Variants in NDUFA10 observed in about 807,000 individuals in gnomAD.
NDUFA10 encodes the protein NADH:ubiquinone oxidoreductase subunit A10, also known as NADH dehydrogenase [ubiquinone] 1 alpha subcomplex subunit 10, mitochondrial.
In NDUFA10, 40 loss-of-function variants were observed where a neutral mutation model predicts 47.8. The observed-to-expected ratio is 0.84, with a 90% CI of 0.65 to 1.09. The LOEUF (loss-of-function observed/expected upper bound fraction) is 1.09. NDUFA10 is among the 50% of genes least tolerant of loss of function. NDUFA10 has a pLI of 0.00. For missense variants in NDUFA10, 413 were observed against 451.1 expected (o/e 0.92, Z 0.76); for synonymous variants, 183 against 172.2 (o/e 1.06, Z -0.49).
At chr2:239,908,586 T>C (rs1042120204) in intron 4 of NDUFA10, among the ~76,000 whole-genome samples, 4 of 152,164 alleles carry the variant, frequency 2.6e-5, no homozygotes, top group African/African-American at 7.2e-5. Context: ...CACAAAGAAA[T>C]AGCAGGCAGG....
chr2:239,919,188 G>A (rs950753429), intron 4 of NDUFA10, among the ~76,000 whole-genome samples: 5 of 152,162 alleles, frequency 3.3e-5, no homozygotes, highest in South Asian at 4.1e-4. Context: ...GTGGACCTTC[G>A]GTGGCACAGA....
chr2:239,980,590 G>C (rs1033437786), intron 9 of NDUFA10, among the ~76,000 whole-genome samples: 10 of 152,136 alleles, frequency 6.6e-5, no homozygotes, highest in Non-Finnish European at 4.4e-5. Context: ...ACCAAAACAG[G>C]GTTTCCAGTT....
At chr2:240,023,902 A>G (rs941387038) in intron 1 of NDUFA10, among the ~76,000 whole-genome samples, 5 of 152,374 alleles carry the variant, frequency 3.3e-5, no homozygotes, top group East Asian at 1.9e-4. Flanking sequence ...TGAACACTGT[A>G]TATCATGAGA....
At chr2:239,989,987 A>G (rs1234874991) in intron 9 of NDUFA10, 87 bp downstream of exon 9, 1 of 979,552 alleles carries the variant, frequency 1.0e-6, no homozygotes, top group Non-Finnish European at 1.6e-6. Context: ...GCAACAACAA[A>G]AACTCCTTTC....
At chr2:239,935,063 AG>A (rs1694241346) in intron 4 of NDUFA10, among the ~76,000 whole-genome samples, 5 of 152,004 alleles carry the variant, frequency 3.3e-5, no homozygotes, top group Non-Finnish European at 7.4e-5. Context: ...TTCCTGGGAG[AG>A]TCCTTCTCTC....
chr2:240,014,663 C>T (rs939571943), intron 5 of NDUFA10, 76 bp downstream of exon 5: 1 of 1,596,886 alleles, frequency 6.3e-7, no homozygotes, highest in African/African-American at 1.3e-5. Context: ...AGTATAAATG[C>T]TATTAAAACA....
intron 6 of NDUFA10, among the ~76,000 whole-genome samples, chr2:240,009,952 T>C (rs1321169487): frequency 2.6e-5 from 4 of 152,204 alleles, no homozygotes; most frequent in Admixed American, 6.5e-5. Context: ...AAAATGCTAA[T>C]GGCCAATAAA....
Position 239,920,980 on chromosome 2 carries a change from T to C in NDUFA10, c.295-25666A>G, listed in dbSNP as rs181389639. On this transcript the variant is annotated intron_variant, in intron 4 of 5. Transcript: ENST00000419408. ...CTGGGGAAGGCTGAATGCCTAGAGA[T>C]GATTGTCCAGGAAGTAGCATCTTCC... Among the ~76,000 whole-genome samples, 19 of 152,248 alleles carry C rather than the reference T, an allele frequency of 1.2e-4. No homozygotes were observed. The East Asian group carries it at 3.5e-3, about 28-fold the overall frequency.
At chr2:239,967,773 T>C (rs1224660977) in intron 9 of NDUFA10, among the ~76,000 whole-genome samples, 1 of 152,178 alleles carries the variant, frequency 6.6e-6, no homozygotes, top group Non-Finnish European at 1.5e-5. Flanking sequence ...GTTTGTGTGA[T>C]TCAACGTAAG....
chr2:239,896,243 T>A (rs950658953), intron 4 of NDUFA10, among the ~76,000 whole-genome samples: 2 of 152,150 alleles, frequency 1.3e-5, no homozygotes, highest in African/African-American at 2.4e-5. Flanking sequence ...ATCATGCAAA[T>A]CTCCTGTGCT....
chr2:239,956,941 T>C (rs1694670300), downstream of NDUFA10, among the ~76,000 whole-genome samples: 1 of 152,132 alleles, frequency 6.6e-6, no homozygotes, highest in Non-Finnish European at 1.5e-5. Context: ...GGTCCTCCTC[T>C]CCCTGACGCG....
rs563264912 is a variant in NDUFA10, at chr2:239,960,673, G to A, written c.*445C>T. 9.0e-7 allele frequency: 1 copy of A among 1,116,794 alleles called. No homozygotes were observed. The highest frequency in any genetic ancestry group is 6.2e-5 in the East Asian group (1 of 16,190). 69.2% of individuals were successfully genotyped at this position (1,116,794 alleles called of 1,614,324 possible). A position where few individuals can be genotyped will look rare whatever the true frequency, so the allele number is the denominator to read the frequency against. ...ACCACACCACACCAAACAGGGCCCA[G>A]AGCAGCGTGTGTGCACGTGTGCAGT... On this transcript the variant is annotated 3_prime_UTR_variant, in exon 10 of 10. Transcript: ENST00000252711.
rs1022298452 is a variant in NDUFA10 at position 240,025,229 on chromosome 2, C to T, written c.73G>A (p.Val25Met). The change falls in exon 1 of 10, where the codon GTG (valine) becomes ATG (methionine). Residue 25 changes from valine to methionine, a missense_variant and splice_region_variant. Val to Met is a conservative substitution (Grantham distance 21). Coordinates refer to ENST00000252711, the MANE Select transcript of NDUFA10 (RefSeq NM_004544.4). ...ARVVAAGAQR[V>M]RGIHSSVQCK... ...CTGCCACCCCGCCGCCCGCTCACCACGCGCTGGGCGCCCGCCGCCACGACC... is the reference window on the plus strand; with the variant it reads ...CTGCCACCCCGCCGCCCGCTCACCATGCGCTGGGCGCCCGCCGCCACGACC... 4.0e-6 allele frequency: 6 copies of T among 1,492,456 alleles called. No homozygotes were observed. The African/African-American group carries it at 4.4e-5, about 11-fold the overall frequency. 92.5% of individuals were successfully genotyped at this position (1,492,456 alleles called of 1,614,324 possible).
intron 4 of NDUFA10, among the ~76,000 whole-genome samples, chr2:239,940,062 C>T (rs777059770): frequency 2.4e-4 from 37 of 152,220 alleles, no homozygotes; most frequent in South Asian, 2.1e-4. Flanking sequence ...GGAACCCAGG[C>T]GGCTGAAAGC....
rs374970309 is a variant in NDUFA10 at position 240,025,339 on chromosome 2, A to C, written c.-38T>G. The C allele has an allele frequency of 3.1e-4, 462 of 1,470,392 alleles. 5 individuals are homozygous for C. The African/African-American group carries it at 5.8e-3, about 18-fold the overall frequency. 91.1% of individuals were successfully genotyped at this position (1,470,392 alleles called of 1,614,324 possible). A position where few individuals can be genotyped will look rare whatever the true frequency, so the allele number is the denominator to read the frequency against. ...AGCTCAGGATCAAGGACCCAAGGGG[A>C]CGCGGTCGCGACGGGGCCCTCTCTC... On this transcript the variant is annotated 5_prime_UTR_variant, in exon 1 of 10. Transcript: ENST00000252711.
At chr2:239,909,471 G>A (rs1693711862) in intron 4 of NDUFA10, among the ~76,000 whole-genome samples, 1 of 152,132 alleles carries the variant, frequency 6.6e-6, no homozygotes, top group Non-Finnish European at 1.5e-5. Context: ...AAGTTAGCCA[G>A]GCGTGGTGGC....
chr2:239,915,066 AAT>A (rs201550190), intron 4 of NDUFA10, among the ~76,000 whole-genome samples: 12,458 of 146,056 alleles, frequency 0.085, 951 homozygotes, highest in East Asian at 0.25. Flanking sequence ...GACACACACA[AAT>A]ATACAGACAC....
chr2:239,968,363 C>T (rs1695170165), intron 9 of NDUFA10, among the ~76,000 whole-genome samples: 1 of 152,202 alleles, frequency 6.6e-6, no homozygotes, highest in Non-Finnish European at 1.5e-5. Flanking sequence ...CTTAAAGAAG[C>T]CCTGACATGG....
rs533634813 is a variant in NDUFA10 at position 239,911,680 on chromosome 2, C to CATGTGT, written c.295-16367_295-16366insACACAT. On this transcript the variant is annotated intron_variant, in intron 4 of 5. Coordinates refer to the NDUFA10 transcript ENST00000419408. Reference sequence around the variant, plus strand: ...ACCAAAACATGAGAGAGTGTGTGTGCGTGTGTGTGTGTGTGTGTCCTACTC... The same window carrying CATGTGT: ...ACCAAAACATGAGAGAGTGTGTGTGCATGTGTGTGTGTGTGTGTGTGTGTCCTACTC... Among the ~76,000 whole-genome samples, 261 of 149,848 alleles carry CATGTGT rather than the reference C, an allele frequency of 1.7e-3. 3 individuals are homozygous for CATGTGT. The South Asian group carries it at 0.038, about 22-fold the overall frequency.
Sources: gnomAD v4.1 joint callset for allele counts (sites outside exome capture counted in the v4.1 genomes callset) on GRCh38, gnomAD v4.1.1 for gene constraint, MANE v1.5 for transcripts, NCBI Gene and HGNC (gene_info 2026-07-23, HGNC 2026-07-21) for gene names.